ASIC2: variants seen among roughly 807,000 people sequenced by gnomAD.
ASIC2 encodes the protein acid-sensing ion channel 2.
A neutral mutation model predicts 57.3 loss-of-function variants in ASIC2; 25 were observed. That is an observed-to-expected ratio of 0.44 (90% CI 0.32 to 0.61). The LOEUF (loss-of-function observed/expected upper bound fraction) is 0.61, where lower values mean the gene tolerates loss of function less well. Ranked by LOEUF, ASIC2 falls within the 20% of genes least tolerant of loss-of-function variation. The pLI, the probability that ASIC2 is intolerant of heterozygous loss-of-function variation, is 0.06. For synonymous variants in ASIC2, 319 were observed against 307.5 expected (o/e 1.04, Z -0.39); for missense variants, 641 against 738.1 (o/e 0.87, Z 1.52).
At chr17:33,371,233 A>G (rs1272665085) in intron 1 of ASIC2, among the ~76,000 whole-genome samples, 1 of 152,220 alleles carries the variant, frequency 6.6e-6, no homozygotes, top group East Asian at 1.9e-4. Context: ...CTGTCCCCTT[A>G]ACTGTAAACA....
intron 1 of ASIC2, among the ~76,000 whole-genome samples, chr17:33,250,552 A>G (rs1908846544): frequency 6.6e-6 from 1 of 152,260 alleles, no homozygotes; most frequent in Non-Finnish European, 1.5e-5. Flanking sequence ...CCCATGCGCC[A>G]TGTTCTCGGG....
chr17:33,768,223 G>T (rs1910992295), intron 1 of ASIC2, among the ~76,000 whole-genome samples: 1 of 151,840 alleles, frequency 6.6e-6, no homozygotes, highest in South Asian at 2.1e-4. Context: ...TTTCACCGTG[G>T]TCTCGATCTC....
intron 3 of ASIC2, among the ~76,000 whole-genome samples, chr17:33,074,993 C>T (rs533959512): frequency 6.6e-5 from 10 of 152,228 alleles, no homozygotes; most frequent in East Asian, 5.8e-4. Flanking sequence ...GAAAGTCTTC[C>T]GCAGAGTGAG....
At chr17:33,298,387 G>C (rs958999644) in intron 1 of ASIC2, among the ~76,000 whole-genome samples, 13 of 152,202 alleles carry the variant, frequency 8.5e-5, no homozygotes, top group African/African-American at 3.1e-4. Flanking sequence ...TGAGAATGAT[G>C]GTTTCCAGCT....
chr17:34,099,380 A>AAG (rs1168935489), intron 1 of ASIC2, among the ~76,000 whole-genome samples: 5 of 137,264 alleles, frequency 3.6e-5, no homozygotes, highest in East Asian at 4.2e-4. Context: ...AGAAAGAAAA[A>AAG]AGAGAAAGAG....
Position 33,885,422 on chromosome 17 carries a change from A to G in ASIC2, c.555+270556T>C, listed in dbSNP as rs578121364. 2.0e-5 allele frequency among the ~76,000 whole-genome samples: 3 copies of G among 152,342 alleles called. No homozygotes were observed. In the East Asian group the frequency reaches 5.8e-4, roughly 29 times the overall value. On this transcript the variant is annotated intron_variant, in intron 1 of 9. Coordinates refer to the ASIC2 transcript ENST00000359872. ...ATCAGGTGTTACCATCTACCCTATT[A>G]TAGGGCAGGATTATTATATTACACA...
intron 1 of ASIC2, among the ~76,000 whole-genome samples, chr17:33,405,189 T>C (rs1244313599): frequency 6.6e-6 from 1 of 152,118 alleles, no homozygotes; most frequent in African/African-American, 2.4e-5. Context: ...AGAGTTGGAA[T>C]GATGAATAAG....
At chr17:33,743,240 T>G (rs753867917) in intron 1 of ASIC2, among the ~76,000 whole-genome samples, 1 of 152,268 alleles carries the variant, frequency 6.6e-6, no homozygotes, top group Non-Finnish European at 1.5e-5. Flanking sequence ...ACAGCAAAGA[T>G]AGAAACATTC....
chr17:33,888,632 C>A (rs998557978), intron 1 of ASIC2, among the ~76,000 whole-genome samples: 5 of 152,012 alleles, frequency 3.3e-5, no homozygotes, highest in South Asian at 2.1e-4. Flanking sequence ...TTTAGAAGAA[C>A]CCAGGGGCCA....
Position 33,478,527 on chromosome 17 carries a change from C to T in ASIC2, c.556-366460G>A, listed in dbSNP as rs138946457. 2.4e-3 allele frequency among the ~76,000 whole-genome samples: 368 copies of T among 152,274 alleles called. 2 individuals carry two copies. Among genetic ancestry groups the T allele is most frequent in the African/African-American group, 8.4e-3 (350 of 41,542 alleles). ...AAGGCTTCTAGGTGGCCTGAGAGGT[C>T]GCTTCTCTTATTTGCACAGTTTCTG... On this transcript the variant is annotated intron_variant, in intron 1 of 9. Transcript: ENST00000359872.
At chr17:33,806,328 A>G (rs549097069) in intron 1 of ASIC2, among the ~76,000 whole-genome samples, 11 of 152,380 alleles carry the variant, frequency 7.2e-5, no homozygotes, top group African/African-American at 2.2e-4. Flanking sequence ...TGAATTTTGT[A>G]TAATTTTCAC....
intron 3 of ASIC2, among the ~76,000 whole-genome samples, chr17:33,076,409 A>C (rs1408650077): frequency 6.6e-6 from 1 of 152,222 alleles, no homozygotes; most frequent in East Asian, 1.9e-4. Context: ...AAACCATAAA[A>C]CATATTTGTA....
At chr17:33,420,117 A>T (rs143662368) in intron 1 of ASIC2, among the ~76,000 whole-genome samples, 2 of 152,336 alleles carry the variant, frequency 1.3e-5, no homozygotes, top group East Asian at 1.9e-4. Context: ...TTCCAACAAA[A>T]GTAGTTCATA....
intron 1 of ASIC2, among the ~76,000 whole-genome samples, chr17:33,974,605 T>TATCC (rs55947544): frequency 0.4 from 58,179 of 145,154 alleles, 12,058 homozygotes; most frequent in African/African-American, 0.45. Context: ...GGAACCTATC[T>TATCC]ATCCATCCAT....
Position 34,050,395 on chromosome 17 carries a change from G to A in ASIC2, c.555+105583C>T, listed in dbSNP as rs545288761. 1.3e-4 allele frequency among the ~76,000 whole-genome samples: 20 copies of A among 152,232 alleles called. No individual in the cohort carries two copies. In the South Asian group the frequency reaches 3.3e-3, roughly 25 times the overall value. ...AGGTGGCAAAAAGACCTGCTTCTCT[G>A]GGGGGTGGGGAGGGGATGTGAAGGC... is the stretch of plus-strand genomic sequence containing the variant. On this transcript the variant is annotated intron_variant, in intron 1 of 9. Coordinates refer to the ASIC2 transcript ENST00000359872.
chr17:33,726,277 C>T (rs1208335801), intron 1 of ASIC2, among the ~76,000 whole-genome samples: 1 of 152,150 alleles, frequency 6.6e-6, no homozygotes, highest in East Asian at 1.9e-4. Context: ...GTGTCTCCAG[C>T]CCCAGTTGCC....
At chr17:33,899,348 G>T (rs1915182576) in intron 1 of ASIC2, among the ~76,000 whole-genome samples, 1 of 152,140 alleles carries the variant, frequency 6.6e-6, no homozygotes, top group South Asian at 2.1e-4. Flanking sequence ...AGGAGGATGT[G>T]AGTACCATGC....
At chr17:33,270,659 C>T (rs1425909811) in intron 1 of ASIC2, among the ~76,000 whole-genome samples, 1 of 152,220 alleles carries the variant, frequency 6.6e-6, no homozygotes, top group African/African-American at 2.4e-5. Context: ...CCACTTCTAC[C>T]TGTCTGTTTC....
chr17:33,619,015 A>ACACT (rs1291683669), intron 1 of ASIC2, among the ~76,000 whole-genome samples: 2 of 152,168 alleles, frequency 1.3e-5, no homozygotes, highest in Admixed American at 1.3e-4. Context: ...TTCTCCTGTG[A>ACACT]TCTCATTACA....
Sources: allele counts gnomAD v4.1 joint callset (sites outside exome capture counted in the v4.1 genomes callset), GRCh38; gene constraint gnomAD v4.1.1; transcripts MANE v1.5; gene names NCBI Gene and HGNC (gene_info 2026-07-23, HGNC 2026-07-21).